The following TAF3 variants were observed in gnomAD, a reference collection of about 807,000 sequenced individuals.
TAF3 encodes the protein transcription initiation factor TFIID subunit 3.
A neutral mutation model predicts 80.6 loss-of-function variants in TAF3; 7 were observed. The ratio of observed to expected loss-of-function variants is 0.09; its 90% CI spans 0.05 to 0.16. TAF3 has a LOEUF of 0.16. Among genes scored for constraint, TAF3 ranks in the 10% least tolerant of loss-of-function variants. The pLI is 1.00. For synonymous variants in TAF3, 444 were observed against 446.1 expected, an observed-to-expected ratio of 1.00 and a Z score of 0.06; for missense variants, 921 against 1,140.2, an observed-to-expected ratio of 0.81 and a Z score of 2.77.
intron 2 of TAF3, among the ~76,000 whole-genome samples, chr10:7,934,365 T>G (rs1406846322): frequency 6.6e-6 from 1 of 152,216 alleles, no homozygotes; most frequent in African/African-American, 2.4e-5. Flanking sequence ...ACATCTTAGA[T>G]TCAATGAAAT....
chr10:7,936,580 T>TC (rs1347246823), intron 2 of TAF3, among the ~76,000 whole-genome samples: 1 of 151,946 alleles, frequency 6.6e-6, no homozygotes, highest in East Asian at 1.9e-4. Flanking sequence ...TACTGAGGGT[T>TC]CCCATTCACC....
chr10:7,882,649 A>C (rs1310850982), intron 2 of TAF3, among the ~76,000 whole-genome samples: 2 of 152,094 alleles, frequency 1.3e-5, no homozygotes, highest in African/African-American at 4.8e-5. Flanking sequence ...TCAGTGTCTA[A>C]AGGTGGAGTG....
intron 2 of TAF3, among the ~76,000 whole-genome samples, chr10:7,907,404 T>C (rs756426478): frequency 6.6e-6 from 1 of 152,234 alleles, no homozygotes; most frequent in Non-Finnish European, 1.5e-5. Context: ...TAGATTTATT[T>C]TTTTGTATTT....
intron 2 of TAF3, among the ~76,000 whole-genome samples, chr10:7,940,955 T>A (rs1666422400): frequency 6.7e-6 from 1 of 148,282 alleles, no homozygotes; most frequent in African/African-American, 2.5e-5. Flanking sequence ...CAAGACCCTG[T>A]CTCAAAAAAG....
chr10:7,884,219 T>C (rs1837386998), intron 2 of TAF3, among the ~76,000 whole-genome samples: 1 of 152,192 alleles, frequency 6.6e-6, no homozygotes, highest in African/African-American at 2.4e-5. Context: ...CTGCTTCAGC[T>C]GTACCCGGTT....
chr10:7,830,425 ATTAAT>A (rs1260176684), intron 2 of TAF3, among the ~76,000 whole-genome samples: 2 of 145,954 alleles, frequency 1.4e-5, no homozygotes, highest in Admixed American at 7.0e-5. Context: ...CCCTAGACAC[ATTAAT>A]TTAATGTTCT....
chr10:7,825,636 G>T (rs1564341319), intron 2 of TAF3, among the ~76,000 whole-genome samples: 1 of 152,272 alleles, frequency 6.6e-6, no homozygotes, highest in East Asian at 1.9e-4. Flanking sequence ...GATGTCTTCA[G>T]GGTTCATTCA....
intron 3 of TAF3, 148 bp from the exon 4 acceptor site, chr10:7,977,093 G>C: frequency 1.5e-6 from 1 of 674,778 alleles, no homozygotes; most frequent in African/African-American, 1.8e-5. Flanking sequence ...TGTACAGAAT[G>C]GCCCAGATTG....
chr10:7,939,656 A>C (rs1042542391), intron 2 of TAF3, among the ~76,000 whole-genome samples: 1 of 151,948 alleles, frequency 6.6e-6, no homozygotes, highest in Non-Finnish European at 1.5e-5. Flanking sequence ...ACAAGAGCAG[A>C]AAATGTCAGA....
At position 7,977,270 on chromosome 10, in the gene TAF3, G is replaced by A. The variant is rs771116832; in HGVS notation, c.2262G>A (p.Pro754=). 1.7e-5 allele frequency: 28 copies of A among 1,613,996 alleles called. No homozygotes were observed. Among genetic ancestry groups the A allele is most frequent in the South Asian group, 1.2e-4 (11 of 91,084 alleles). The change falls in exon 4 of 7, where the codon CCG becomes CCA. Residue 754 remains proline (P), a synonymous_variant. Transcript: ENST00000344293. ...AAGTGGAACCAGTCGCTCTGGCCCC[G>A]AGTCCAGTTATCCCCAGATTAACTC... ...KIKVEPVALA[P]SPVIPRLTLR...
chr10:7,899,219 G>A (rs1405748284), intron 2 of TAF3, among the ~76,000 whole-genome samples: 2 of 152,076 alleles, frequency 1.3e-5, no homozygotes, highest in Non-Finnish European at 2.9e-5. Flanking sequence ...AGTCTCCCTC[G>A]ATCTGGAGCC....
chr10:7,869,849 A>G (rs1837248389), intron 2 of TAF3, among the ~76,000 whole-genome samples: 1 of 152,176 alleles, frequency 6.6e-6, no homozygotes, highest in African/African-American at 2.4e-5. Context: ...ACCAATGAAT[A>G]TATTTATGTT....
chr10:7,984,924 A>T (rs1831870419), intron 4 of TAF3, among the ~76,000 whole-genome samples: 1 of 152,330 alleles, frequency 6.6e-6, no homozygotes, highest in East Asian at 1.9e-4. Context: ...TTTCCTACAG[A>T]TGAAAACACT....
chr10:7,819,311 A>G (rs1836666199), intron 1 of TAF3, among the ~76,000 whole-genome samples: 1 of 152,104 alleles, frequency 6.6e-6, no homozygotes, highest in Non-Finnish European at 1.5e-5. Context: ...TTCTTACAAG[A>G]CTGGCCATTC....
At chr10:8,000,485 AC>A (rs1224362828) in intron 4 of TAF3, among the ~76,000 whole-genome samples, 1 of 151,942 alleles carries the variant, frequency 6.6e-6, no homozygotes, top group African/African-American at 2.4e-5. Context: ...AAAGGCATCC[AC>A]CCAGCACAGT....
chr10:7,819,710 G>A (rs1225103911), intron 1 of TAF3, among the ~76,000 whole-genome samples: 1 of 151,100 alleles, frequency 6.6e-6, no homozygotes, highest in Admixed American at 6.6e-5. Context: ...GTTTGTTGAG[G>A]AGAGGAAACT....
chr10:7,954,725 A>G lies in TAF3; in HGVS notation c.410-9195A>G, dbSNP rs534262082. On this transcript the variant is annotated intron_variant, in intron 2 of 6. Coordinates refer to ENST00000344293, the MANE Select transcript of TAF3 (RefSeq NM_031923.4). ...CCTAGTGAGATTCAGAGTGCACTCCATAGGTGAATGAGTGGATTAGTCCTA... is the reference window on the plus strand; with the variant it reads ...CCTAGTGAGATTCAGAGTGCACTCCGTAGGTGAATGAGTGGATTAGTCCTA... 1.1e-4 allele frequency among the ~76,000 whole-genome samples: 15 copies of G among 140,338 alleles called. 1 individual carries two copies. In the South Asian group the frequency reaches 2.3e-3, roughly 22 times the overall value. The allele number at this position is 140,338 out of a possible 152,430, so 92.1% of individuals were successfully genotyped here. A position where few individuals can be genotyped will look rare whatever the true frequency, so the allele number is the denominator to read the frequency against.
chr10:7,965,840 T>A lies in TAF3; in HGVS notation c.2232+98T>A, dbSNP rs1831566248. ...ATTATATCTGTATTCTGGGTGTAAA[T>A]CACCCATCACTTAAGTGGAAATATG... On this transcript the variant is annotated intron_variant, in intron 3 of 6. Transcript: ENST00000344293. 3 of 1,369,342 alleles carry A rather than the reference T, an allele frequency of 2.2e-6. No homozygotes were observed. The African/African-American group carries it at 4.4e-5, about 20-fold the overall frequency. The allele number at this position is 1,369,342 out of a possible 1,614,324, so 84.8% of individuals were successfully genotyped here. A position where few individuals can be genotyped will look rare whatever the true frequency, so the allele number is the denominator to read the frequency against.
intron 2 of TAF3, among the ~76,000 whole-genome samples, chr10:7,882,842 A>T (rs537089420): frequency 2.6e-5 from 4 of 152,316 alleles, no homozygotes; most frequent in African/African-American, 9.6e-5. Flanking sequence ...AGCACAAAGA[A>T]TTCCTAAGTA....
Sources: gnomAD v4.1 joint callset for allele counts (sites outside exome capture counted in the v4.1 genomes callset) on GRCh38, gnomAD v4.1.1 for gene constraint, MANE v1.5 for transcripts, NCBI Gene and HGNC (gene_info 2026-07-23, HGNC 2026-07-21) for gene names.